The following PAM variants were observed in gnomAD, a reference collection of about 807,000 sequenced individuals.
PAM encodes peptidylglycine alpha-amidating monooxygenase, also known as peptidyl-glycine alpha-amidating monooxygenase.
A neutral mutation model predicts 122.1 loss-of-function variants in PAM; 72 were observed. The ratio of observed to expected loss-of-function variants is 0.59; its 90% CI spans 0.49 to 0.72. PAM has a LOEUF of 0.72. PAM is among the 30% of genes least tolerant of loss of function. The pLI is 0.00. For missense variants in PAM, 1,106 were observed against 1,183.7 expected (o/e 0.93, Z 0.96); for synonymous variants, 389 against 404.4 (o/e 0.96, Z 0.46).
chr5:102,846,857 T>A (rs59280720), intron 1 of PAM, among the ~76,000 whole-genome samples: 5,128 of 152,330 alleles, frequency 0.034, 152 homozygotes, highest in South Asian at 0.14. Flanking sequence ...TACTCTAATG[T>A]CAAGTTGGCC....
intron 11 of PAM, 92 bp downstream of exon 11, chr5:102,950,070 T>C (rs1248894598): frequency 1.4e-6 from 1 of 726,670 alleles, no homozygotes; most frequent in Non-Finnish European, 2.4e-6. Context: ...TGTGAATTTC[T>C]CTAAAAATCT....
At chr5:102,760,911 C>T (rs1752132197) in intron 1 of PAM, among the ~76,000 whole-genome samples, 1 of 152,176 alleles carries the variant, frequency 6.6e-6, no homozygotes, top group South Asian at 2.1e-4. Flanking sequence ...AACAGAAGTT[C>T]TACATATAAA....
intron 1 of PAM, among the ~76,000 whole-genome samples, chr5:102,859,758 G>A (rs1417647956): frequency 6.6e-6 from 1 of 152,104 alleles, no homozygotes; most frequent in Non-Finnish European, 1.5e-5. Context: ...TATAAGTGCC[G>A]TATACAAATG....
At chr5:102,821,574 G>A (rs1269434602) in intron 1 of PAM, among the ~76,000 whole-genome samples, 1 of 152,132 alleles carries the variant, frequency 6.6e-6, no homozygotes, top group African/African-American at 2.4e-5. Flanking sequence ...TTTATTAAAT[G>A]TCGTTTGGTT....
At chr5:102,883,211 G>T (rs558370807) in intron 3 of PAM, among the ~76,000 whole-genome samples, 1 of 151,828 alleles carries the variant, frequency 6.6e-6, no homozygotes, top group East Asian at 1.9e-4. Flanking sequence ...GTTCTTTTTT[G>T]GTTCCATATG....
At chr5:103,006,774 G>A in intron 18 of PAM, 27 bp from the exon 19 acceptor site, 1 of 1,535,490 alleles carries the variant, frequency 6.5e-7, no homozygotes, top group Non-Finnish European at 9.0e-7. Context: ...TGAAAAGTAG[G>A]TAAGGCTTTT....
intron 1 of PAM, among the ~76,000 whole-genome samples, chr5:102,821,105 T>C (rs2150319482): frequency 6.6e-6 from 1 of 152,292 alleles, no homozygotes; most frequent in Middle Eastern, 3.4e-3. Flanking sequence ...CTGAATTAGA[T>C]TTTCATTTTG....
rs139677552 is a variant in PAM, at chr5:103,011,081, A to G, written c.2331+1215A>G. ...GTTATAACTTACTGGGTGACAGAAGAAAAAACAAACAAACAAAAAACCCTT... is the reference window on the plus strand; with the variant it reads ...GTTATAACTTACTGGGTGACAGAAGGAAAAACAAACAAACAAAAAACCCTT... On this transcript the variant is annotated intron_variant, in intron 21 of 25. Transcript: ENST00000438793. Among the ~76,000 whole-genome samples, 142 of 152,118 alleles carry G rather than the reference A, an allele frequency of 9.3e-4. 1 individual carries two copies. The highest frequency in any genetic ancestry group is 3.4e-3 in the African/African-American group (139 of 41,418).
At chr5:102,759,589 T>C (rs1162968457) in intron 1 of PAM, among the ~76,000 whole-genome samples, 2 of 152,148 alleles carry the variant, frequency 1.3e-5, no homozygotes, top group Non-Finnish European at 2.9e-5. Flanking sequence ...CTCCCAAATA[T>C]GAACTAACCC....
chr5:102,811,899 T>C (rs1312989492), intron 1 of PAM, among the ~76,000 whole-genome samples: 3 of 152,228 alleles, frequency 2.0e-5, no homozygotes, highest in Non-Finnish European at 4.4e-5. Context: ...GATGGGAGTC[T>C]CGTAAAGTGA....
chr5:102,920,062 A>T lies in PAM; in HGVS notation c.357-4895A>T, dbSNP rs538768746. On this transcript the variant is annotated intron_variant, in intron 5 of 25. Coordinates refer to ENST00000438793, the MANE Select transcript of PAM (RefSeq NM_001177306.2). ...TTTAGCACAGATCCAGAACTGTGAA[A>T]TCGGAACATCTTGGTTTCAAATCTC... Among the ~76,000 whole-genome samples the T allele has an allele frequency of 7.7e-4, 117 of 152,214 alleles. 1 individual carries two copies. Among genetic ancestry groups the T allele is most frequent in the African/African-American group, 2.7e-3 (113 of 41,560 alleles).
Position 102,913,983 on chromosome 5 carries a change from T to C in PAM, c.318T>C (p.Leu106=), listed in dbSNP as rs373164810. The C allele has an allele frequency of 6.8e-6, 11 of 1,606,810 alleles. No individual in the cohort carries two copies. The highest frequency in any genetic ancestry group is 1.3e-5 in the African/African-American group (1 of 74,732). The part of the protein sequence containing the change: ...ASMDTVHHML[L]FGCNMPSSTG... The stretch of plus-strand genomic sequence containing the variant: ...TGGATACTGTCCATCACATGTTACT[T>C]TTTGGATGCAATATGCCTTCATCCA... Residue 106 remains leucine (L), a synonymous_variant, in exon 5 of 26, where the codon CTT becomes CTC. Transcript: ENST00000438793.
At chr5:102,830,528 T>C (rs1775133408) in intron 1 of PAM, among the ~76,000 whole-genome samples, 1 of 152,216 alleles carries the variant, frequency 6.6e-6, no homozygotes, top group African/African-American at 2.4e-5. Context: ...CTCCTCTTAC[T>C]ACACCCTCAG....
At chr5:102,859,609 T>A (rs1044214643) in intron 1 of PAM, among the ~76,000 whole-genome samples, 1 of 152,068 alleles carries the variant, frequency 6.6e-6, no homozygotes, top group African/African-American at 2.4e-5. Flanking sequence ...TAAAATAAAT[T>A]TAGTATAGCT....
chr5:102,950,940 C>A lies in PAM; in HGVS notation c.905+120C>A, dbSNP rs1000872930. On this transcript the variant is annotated intron_variant, in intron 12 of 25. Transcript: ENST00000438793. ...TTTGTCCTGTCATGGACAATTACAACAAACTGTGGCATTTTATCATTTCAA... is the reference window on the plus strand; with the variant it reads ...TTTGTCCTGTCATGGACAATTACAAAAAACTGTGGCATTTTATCATTTCAA... 1.1e-5 allele frequency: 7 copies of A among 617,232 alleles called. No homozygotes were observed. The African/African-American group carries it at 1.3e-4, about 11-fold the overall frequency. 38.2% of individuals were successfully genotyped at this position (617,232 alleles called of 1,614,324 possible).
intron 1 of PAM, among the ~76,000 whole-genome samples, chr5:102,771,270 T>A (rs1292074920): frequency 6.6e-6 from 1 of 152,134 alleles, no homozygotes; most frequent in Non-Finnish European, 1.5e-5. Flanking sequence ...TTGGGAACTA[T>A]GTCACCTAAT....
intron 4 of PAM, among the ~76,000 whole-genome samples, chr5:102,903,616 C>T (rs776307074): frequency 2.0e-4 from 31 of 151,482 alleles, no homozygotes; most frequent in Admixed American, 9.2e-4. Flanking sequence ...TGCCATTGTT[C>T]ACTAAGAGCC....
chr5:103,010,394 A>C (rs2151121060), intron 21 of PAM, among the ~76,000 whole-genome samples: 1 of 152,334 alleles, frequency 6.6e-6, no homozygotes, highest in African/African-American at 2.4e-5. Flanking sequence ...TGGCTTCAAA[A>C]GTGTTTTCCC....
intron 7 of PAM, among the ~76,000 whole-genome samples, chr5:102,942,546 T>TA (rs905714350): frequency 4.0e-5 from 6 of 151,820 alleles, no homozygotes; most frequent in African/African-American, 1.5e-4. Flanking sequence ...GGTGGGAAGA[T>TA]ACGATACAGT....
Sources: gnomAD v4.1 joint callset for allele counts (sites outside exome capture counted in the v4.1 genomes callset) on GRCh38, gnomAD v4.1.1 for gene constraint, MANE v1.5 for transcripts, NCBI Gene and HGNC (gene_info 2026-07-23, HGNC 2026-07-21) for gene names.